PHACTR3: variants seen among roughly 807,000 people sequenced by gnomAD.
PHACTR3 encodes protein phosphatase 1, regulatory subunit 123.
PHACTR3 carries 16 observed loss-of-function variants against 66.8 expected under a neutral mutation model. The observed-to-expected ratio is 0.24, with a 90% CI of 0.16 to 0.36. The LOEUF (loss-of-function observed/expected upper bound fraction) is 0.36, where lower values mean the gene tolerates loss of function less well. PHACTR3 is among the 10% of genes least tolerant of loss of function. The pLI, the probability that PHACTR3 is intolerant of heterozygous loss-of-function variation, is 1.00. For synonymous variants in PHACTR3, 323 were observed against 292.1 expected, an observed-to-expected ratio of 1.11 and a Z score of -1.08; for missense variants, 647 against 719.9, an observed-to-expected ratio of 0.90 and a Z score of 1.16.
chr20:59,688,921 G>A (rs1485935621), intron 1 of PHACTR3, among the ~76,000 whole-genome samples: 1 of 152,144 alleles, frequency 6.6e-6, no homozygotes, highest in Non-Finnish European at 1.5e-5. Flanking sequence ...CAACGCTGTG[G>A]TTGTTGGGAA....
intron 1 of PHACTR3, among the ~76,000 whole-genome samples, chr20:59,728,809 C>T (rs1231769422): frequency 6.6e-6 from 1 of 151,162 alleles, no homozygotes; most frequent in East Asian, 1.9e-4. Context: ...GGGGAGGGAC[C>T]GACAACACCA....
chr20:59,689,802 C>A (rs1006047114), intron 1 of PHACTR3, among the ~76,000 whole-genome samples: 4 of 152,142 alleles, frequency 2.6e-5, no homozygotes, highest in African/African-American at 9.7e-5. Flanking sequence ...ATCCCCATCC[C>A]TGCCACATCC....
intron 1 of PHACTR3, among the ~76,000 whole-genome samples, chr20:59,723,105 TC>T (rs1211731221): frequency 5.1e-4 from 76 of 148,798 alleles, no homozygotes; most frequent in African/African-American, 1.8e-3. Flanking sequence ...TTTCTTTCTT[TC>T]TTTCTTTCTT....
intron 1 of PHACTR3, among the ~76,000 whole-genome samples, chr20:59,713,524 T>C (rs1335014041): frequency 1.3e-5 from 2 of 152,244 alleles, no homozygotes; most frequent in Non-Finnish European, 2.9e-5. Flanking sequence ...TATGTAATGT[T>C]TTGTATCTGT....
chr20:59,679,396 CA>C (rs1180323035), intron 1 of PHACTR3, among the ~76,000 whole-genome samples: 5 of 152,290 alleles, frequency 3.3e-5, no homozygotes, highest in African/African-American at 1.2e-4. Flanking sequence ...ACTGCTGAAA[CA>C]ATAGGTGTTC....
At chr20:59,668,599 A>G (rs528978258) in intron 1 of PHACTR3, among the ~76,000 whole-genome samples, 24 of 152,364 alleles carry the variant, frequency 1.6e-4, no homozygotes, top group African/African-American at 5.0e-4. Context: ...TGTCCATATT[A>G]GGCCAGGTCC....
chr20:59,773,182 G>C lies in PHACTR3; in HGVS notation c.752-97G>C. The C allele has an allele frequency of 1.4e-5, 19 of 1,372,488 alleles. No homozygotes were observed. In the South Asian group the frequency reaches 2.6e-4, roughly 19 times the overall value. The allele number at this position is 1,372,488 out of a possible 1,614,324, so 85.0% of individuals were successfully genotyped here. A position where few individuals can be genotyped will look rare whatever the true frequency, so the allele number is the denominator to read the frequency against. On this transcript the variant is annotated intron_variant, in intron 5 of 12. Transcript: ENST00000371015. ...GTTGGGGCCCCTCCTGGAGGTGCAG[G>C]GGAGCGTCCTTTCCGCTCATGGTCC...
At chr20:59,600,168 C>A (rs527708192), upstream of PHACTR3, among the ~76,000 whole-genome samples, 2 of 152,306 alleles carry the variant, frequency 1.3e-5, no homozygotes, top group African/African-American at 4.8e-5. Context: ...TCCTCCCTTG[C>A]ATGTCCAGTT....
At chr20:59,767,642 G>A (rs2040224879) in intron 5 of PHACTR3, among the ~76,000 whole-genome samples, 1 of 152,316 alleles carries the variant, frequency 6.6e-6, no homozygotes, top group Middle Eastern at 3.4e-3. Context: ...TGGTTGGCAG[G>A]AGTAGACTGC....
intron 1 of PHACTR3, among the ~76,000 whole-genome samples, chr20:59,630,245 T>C (rs2146390285): frequency 6.7e-6 from 1 of 148,296 alleles, no homozygotes; most frequent in African/African-American, 2.5e-5. Context: ...TGCAGTGGTA[T>C]GGTCTTGGCT....
intron 1 of PHACTR3, among the ~76,000 whole-genome samples, chr20:59,727,846 C>A (rs1297206900): frequency 6.6e-6 from 1 of 152,096 alleles, no homozygotes; most frequent in Non-Finnish European, 1.5e-5. Context: ...AATCTGAAAT[C>A]CGAAACACTT....
At position 59,674,261 on chromosome 20, in the gene PHACTR3, C is replaced by T. The variant is rs569507123; in HGVS notation, c.119-68846C>T. 3.3e-5 allele frequency among the ~76,000 whole-genome samples: 5 copies of T among 150,964 alleles called. 1 individual carries two copies. The South Asian group carries it at 6.3e-4, about 19-fold the overall frequency. On this transcript the variant is annotated intron_variant, in intron 1 of 12. Transcript: ENST00000371015. ...CCCAGAGACCCTGAATGTGGACTAA[C>T]GCCCCCAGAATGTTCAGAATTAATG...
chr20:59,840,943 T>C (rs1004551873), intron 10 of PHACTR3, among the ~76,000 whole-genome samples: 4 of 152,230 alleles, frequency 2.6e-5, no homozygotes, highest in African/African-American at 9.6e-5. Context: ...TTTTAAAGCC[T>C]TGACCATTTC....
intron 5 of PHACTR3, among the ~76,000 whole-genome samples, chr20:59,770,544 C>T (rs1014887161): frequency 5.9e-5 from 9 of 152,156 alleles, no homozygotes; most frequent in African/African-American, 1.4e-4. Flanking sequence ...GAAATTTATT[C>T]GTCACTCTTC....
Position 59,829,606 on chromosome 20 carries a change from C to A in PHACTR3, c.1329-6899C>A, listed in dbSNP as rs1407941302. On this transcript the variant is annotated intron_variant, in intron 8 of 12. Coordinates refer to ENST00000371015, the MANE Select transcript of PHACTR3 (RefSeq NM_080672.5). This position sits in a 1 kb window ranked among gnomAD's most constrained non-coding sequence, Gnocchi z 4.2. ...GTGTGAATGGTGTGTGGAGACGCTG[C>A]CTCGCTGGGGAATCCCATCTCCAGG... Among the ~76,000 whole-genome samples the A allele has an allele frequency of 6.6e-6, 1 of 152,038 alleles. No homozygotes were observed. Among genetic ancestry groups the A allele is most frequent in the Non-Finnish European group, 1.5e-5 (1 of 67,986 alleles).
intron 6 of PHACTR3, 130 bp from the exon 7 acceptor site, chr20:59,774,113 G>A: frequency 8.3e-7 from 1 of 1,206,334 alleles, no homozygotes; most frequent in East Asian, 2.4e-5. Flanking sequence ...GTGTGTCCAG[G>A]ATAAAAACCA....
intron 1 of PHACTR3, among the ~76,000 whole-genome samples, chr20:59,594,533 A>G (rs1428954052): frequency 6.6e-6 from 1 of 152,108 alleles, no homozygotes; most frequent in African/African-American, 2.4e-5. Context: ...TCTTTCAAGG[A>G]GTCGGTTCAT....
At chr20:59,634,517 C>A (rs1402237613) in intron 1 of PHACTR3, among the ~76,000 whole-genome samples, 1 of 152,174 alleles carries the variant, frequency 6.6e-6, no homozygotes, top group Non-Finnish European at 1.5e-5. Flanking sequence ...AAGCCCTCAC[C>A]CTGGCCTGCT....
At chr20:59,688,330 A>T (rs1451074757) in intron 1 of PHACTR3, among the ~76,000 whole-genome samples, 2 of 152,148 alleles carry the variant, frequency 1.3e-5, no homozygotes, top group Non-Finnish European at 2.9e-5. Context: ...GACCAAATGG[A>T]TGTTTGGGGT....
Sources: gnomAD v4.1 joint callset for allele counts (sites outside exome capture counted in the v4.1 genomes callset) on GRCh38, gnomAD v4.1.1 for gene constraint, Gnocchi (gnomAD v3.1) non-coding constraint, MANE v1.5 for transcripts, NCBI Gene and HGNC (gene_info 2026-07-23, HGNC 2026-07-21) for gene names.